Variants in MAML1 observed in about 807,000 individuals in gnomAD.
MAML1 encodes the protein mastermind like transcriptional coactivator 1.
MAML1 carries 14 observed loss-of-function variants against 77.1 expected under a neutral mutation model. That is an observed-to-expected ratio of 0.18 (90% CI 0.12 to 0.28). The LOEUF is 0.28. Among genes scored for constraint, MAML1 ranks in the 10% least tolerant of loss-of-function variants. The pLI, the probability that MAML1 is intolerant of heterozygous loss-of-function variation, is 1.00. For synonymous variants in MAML1, 516 were observed against 551.9 expected, an observed-to-expected ratio of 0.93 and a Z score of 0.91; for missense variants, 1,217 against 1,327.8, an observed-to-expected ratio of 0.92 and a Z score of 1.30.
rs1015766280 is a variant in MAML1 at position 179,766,823 on chromosome 5, C to T, written c.1731+82C>T. On this transcript the variant is annotated intron_variant, in intron 2 of 4. Transcript: ENST00000292599. This position sits in a 1 kb window ranked among gnomAD's most constrained non-coding sequence, Gnocchi z 4.0. The stretch of plus-strand genomic sequence containing the variant: ...TCACTACTTTGGATGTTAATTGGAT[C>T]CGAGGTAGTTGTGGGAAGAGGGAGG... 6.7e-6 allele frequency: 8 copies of T among 1,198,288 alleles called. No homozygotes were observed. The African/African-American group carries it at 1.1e-4, about 16-fold the overall frequency. 74.2% of individuals were successfully genotyped at this position (1,198,288 alleles called of 1,614,324 possible). A position where few individuals can be genotyped will look rare whatever the true frequency, so the allele number is the denominator to read the frequency against.
At chr5:179,763,579 T>C (rs918295782) in intron 1 of MAML1, among the ~76,000 whole-genome samples, 2 of 152,122 alleles carry the variant, frequency 1.3e-5, no homozygotes, top group Non-Finnish European at 2.9e-5. Context: ...CAAATCTTGA[T>C]GTGGGGAAAA....
chr5:179,736,181 AACTT>A (rs889976016), intron 1 of MAML1, among the ~76,000 whole-genome samples: 28 of 152,314 alleles, frequency 1.8e-4, no homozygotes, highest in African/African-American at 6.5e-4. Flanking sequence ...CCTATACACT[AACTT>A]CAAAAAGCAA....
chr5:179,761,048 C>G (rs1041654272), intron 1 of MAML1, among the ~76,000 whole-genome samples: 1 of 151,506 alleles, frequency 6.6e-6, no homozygotes, highest in Non-Finnish European at 1.5e-5. Context: ...GAGCCGAGAT[C>G]GCGCCACTGC....
intron 1 of MAML1, among the ~76,000 whole-genome samples, chr5:179,763,698 G>A (rs1179357574): frequency 6.6e-6 from 1 of 152,154 alleles, no homozygotes; most frequent in Non-Finnish European, 1.5e-5. Context: ...GTTGCCCCAG[G>A]CAGGACGCCC....
At chr5:179,765,015 G>A (rs917739330) in intron 1 of MAML1, among the ~76,000 whole-genome samples, 3 of 151,280 alleles carry the variant, frequency 2.0e-5, no homozygotes, top group Non-Finnish European at 3.0e-5. Context: ...GTGTGTGTGT[G>A]TGTGTACTCT....
chr5:179,753,005 T>C (rs947520382), intron 1 of MAML1, among the ~76,000 whole-genome samples: 15 of 152,190 alleles, frequency 9.9e-5, no homozygotes, highest in African/African-American at 3.6e-4. Context: ...ACTCCTGACC[T>C]CAGGTGATCC....
chr5:179,774,216 A>C lies in MAML1; in HGVS notation c.2390A>C (p.Tyr797Ser). The change falls in exon 5 of 5, where the codon TAT becomes TCT. Residue 797 changes from tyrosine to serine, a missense_variant. Tyr to Ser is a moderately radical substitution (Grantham distance 144). Coordinates refer to ENST00000292599, the MANE Select transcript of MAML1 (RefSeq NM_014757.5). ...CAGAACACCTCCGTCTCAGCTGCCT[A>C]TGGGCAGAACTCTCTGGGAAGCTCT... Reference protein sequence around the residue: ...VGQNTSVSAAYGQNSLGSSGL... With the variant: ...VGQNTSVSAASGQNSLGSSGL... 6.2e-7 allele frequency: 1 copy of C among 1,613,488 alleles called. No homozygotes were observed. Among genetic ancestry groups the C allele is most frequent in the Non-Finnish European group, 8.5e-7 (1 of 1,179,924 alleles).
intron 1 of MAML1, among the ~76,000 whole-genome samples, chr5:179,751,595 C>T (rs749088571): frequency 6.6e-6 from 1 of 152,078 alleles, no homozygotes; most frequent in Admixed American, 6.6e-5. Flanking sequence ...ATCCCAGCTA[C>T]TCGGGAGGCT....
chr5:179,747,808 C>CAAAAAAAAA (rs71001044), intron 1 of MAML1, among the ~76,000 whole-genome samples: 5,129 of 40,846 alleles, frequency 0.13, 1,143 homozygotes, highest in Non-Finnish European at 0.18. Context: ...GACTCCATCT[C>CAAAAAAAAA]AAAAAAAAAA....
chr5:179,770,412 A>C (rs1755958904), intron 3 of MAML1, among the ~76,000 whole-genome samples: 1 of 151,902 alleles, frequency 6.6e-6, no homozygotes, highest in Non-Finnish European at 1.5e-5. Context: ...GCGCCACTGC[A>C]CTCCAGCCTG....
intron 1 of MAML1, among the ~76,000 whole-genome samples, chr5:179,761,763 G>C (rs1008478719): frequency 6.6e-6 from 1 of 152,172 alleles, no homozygotes; most frequent in Non-Finnish European, 1.5e-5. Flanking sequence ...AGTGCAGGGA[G>C]AGAGGGAAAG....
At position 179,774,287 on chromosome 5, in the gene MAML1, A is replaced by G. The variant is rs776809810; in HGVS notation, c.2461A>G (p.Thr821Ala). 1.2e-6 allele frequency: 2 copies of G among 1,613,402 alleles called. No homozygotes were observed. The highest frequency in any genetic ancestry group is 1.7e-6 in the Non-Finnish European group (2 of 1,179,978). Reference protein sequence around the residue: ...HNKGTLNPGLTKPPVPRVSPA... With the variant: ...HNKGTLNPGLAKPPVPRVSPA... ...TAAGGGGACCCTGAACCCTGGTTTA[A>G]CAAAGCCACCGGTCCCAAGGGTGTC... is the stretch of plus-strand genomic sequence containing the variant. Residue 821 changes from threonine (T) to alanine (A), a missense_variant, in exon 5 of 5, where the codon ACA becomes GCA. Transcript: ENST00000292599.
In MAML1 at chr5:179,771,714, C is replaced by G. The variant is rs578158506; in HGVS notation, c.2068+471C>G. 6.6e-6 allele frequency among the ~76,000 whole-genome samples: 1 copy of G among 152,310 alleles called. No homozygotes were observed. Among genetic ancestry groups the G allele is most frequent in the South Asian group, 2.1e-4 (1 of 4,830 alleles). On this transcript the variant is annotated intron_variant, in intron 4 of 4. Coordinates refer to ENST00000292599, the MANE Select transcript of MAML1 (RefSeq NM_014757.5). This position sits in a 1 kb window ranked among gnomAD's most constrained non-coding sequence, Gnocchi z 4.7. ...TAGTGGACAGTTGGCCAGAAAAGGGCAGGAAGCACACTTGAGTCTAGCTGT... is the reference window on the plus strand; with the variant it reads ...TAGTGGACAGTTGGCCAGAAAAGGGGAGGAAGCACACTTGAGTCTAGCTGT...
intron 1 of MAML1, among the ~76,000 whole-genome samples, chr5:179,733,860 A>C (rs1384402003): frequency 6.6e-6 from 1 of 152,228 alleles, no homozygotes; most frequent in African/African-American, 2.4e-5. Context: ...GAGCAGGATC[A>C]GGGCTTTCAT....
At chr5:179,750,648 G>A (rs570266064) in intron 1 of MAML1, among the ~76,000 whole-genome samples, 18 of 152,140 alleles carry the variant, frequency 1.2e-4, no homozygotes, top group African/African-American at 4.1e-4. Flanking sequence ...TTTTGTAGAG[G>A]TGGGGTCTTG....
intron 1 of MAML1, among the ~76,000 whole-genome samples, chr5:179,746,219 G>A (rs1219147462): frequency 6.6e-6 from 1 of 151,668 alleles, no homozygotes; most frequent in African/African-American, 2.4e-5. Flanking sequence ...GGTGGCTGTT[G>A]CCTGTAATCC....
chr5:179,760,297 G>C (rs1779702947), intron 1 of MAML1, among the ~76,000 whole-genome samples: 1 of 152,070 alleles, frequency 6.6e-6, no homozygotes, highest in South Asian at 2.1e-4. Flanking sequence ...GAGGGGATCA[G>C]CAAGAAAGTA....
intron 4 of MAML1, among the ~76,000 whole-genome samples, chr5:179,772,048 A>G (rs1257961507): frequency 3.9e-5 from 6 of 152,184 alleles, no homozygotes; most frequent in Non-Finnish European, 2.9e-5. Context: ...CTTCAGACCC[A>G]TCTGACATTT....
intron 1 of MAML1, among the ~76,000 whole-genome samples, chr5:179,749,582 A>G (rs1779447729): frequency 6.6e-6 from 1 of 152,164 alleles, no homozygotes; most frequent in Admixed American, 6.5e-5. Flanking sequence ...AAAAAATTTA[A>G]ATGTCATACT....
Sources: gnomAD v4.1 joint callset for allele counts (sites outside exome capture counted in the v4.1 genomes callset) on GRCh38, gnomAD v4.1.1 for gene constraint, Gnocchi (gnomAD v3.1) non-coding constraint, MANE v1.5 for transcripts, NCBI Gene and HGNC (gene_info 2026-07-23, HGNC 2026-07-21) for gene names.